The following VWA8 variants were observed in gnomAD, a reference collection of about 807,000 sequenced individuals.
VWA8 encodes von Willebrand factor A domain-containing protein 8.
In VWA8, 221 loss-of-function variants were observed where a neutral mutation model predicts 241.5. The observed-to-expected ratio is 0.91, with a 90% CI of 0.82 to 1.02. The LOEUF (loss-of-function observed/expected upper bound fraction) is 1.02, where lower values mean the gene tolerates loss of function less well. Ranked by LOEUF, VWA8 falls within the 50% of genes least tolerant of loss-of-function variation. The pLI, the probability that VWA8 is intolerant of heterozygous loss-of-function variation, is 0.00. For missense variants in VWA8, 2,322 were observed against 2,328.7 expected (o/e 1.00, Z 0.06); for synonymous variants, 852 against 827.1 (o/e 1.03, Z -0.52).
chr13:41,759,473 G>A (rs2045724243), intron 21 of VWA8, among the ~76,000 whole-genome samples: 1 of 151,252 alleles, frequency 6.6e-6, no homozygotes, highest in Admixed American at 6.6e-5. Context: ...TATCAAATTT[G>A]AGAATTTTCC....
intron 37 of VWA8, among the ~76,000 whole-genome samples, chr13:41,651,664 C>T (rs1372377950): frequency 1.3e-5 from 2 of 152,092 alleles, no homozygotes; most frequent in South Asian, 2.1e-4. Flanking sequence ...TTTCATATGC[C>T]ATGAAATATA....
chr13:41,935,710 T>C (rs1022726777), intron 2 of VWA8, among the ~76,000 whole-genome samples: 11 of 151,842 alleles, frequency 7.2e-5, no homozygotes, highest in African/African-American at 9.7e-5. Context: ...CACTTCTCTC[T>C]AAACACAGAC....
intron 21 of VWA8, among the ~76,000 whole-genome samples, chr13:41,748,357 T>G (rs892273284): frequency 1.7e-4 from 26 of 152,216 alleles, no homozygotes; most frequent in African/African-American, 6.3e-4. Flanking sequence ...ATTTATCCAT[T>G]TCTTCTAGAT....
intron 19 of VWA8, 94 bp from the exon 20 acceptor site, chr13:41,778,150 C>T: frequency 1.4e-6 from 1 of 704,414 alleles, no homozygotes; most frequent in Non-Finnish European, 2.1e-6. Flanking sequence ...ATATAAATAT[C>T]TATTATAATA....
chr13:41,910,951 T>TA (rs941444816), intron 3 of VWA8, among the ~76,000 whole-genome samples: 1 of 152,148 alleles, frequency 6.6e-6, no homozygotes, highest in African/African-American at 2.4e-5. Context: ...CTCTTCATCC[T>TA]AAAAAATGTC....
intron 37 of VWA8, among the ~76,000 whole-genome samples, chr13:41,634,221 C>A (rs1314186240): frequency 6.6e-6 from 1 of 152,096 alleles, no homozygotes; most frequent in Non-Finnish European, 1.5e-5. Flanking sequence ...AGGGTGGCAC[C>A]AGACTTTCCT....
chr13:41,716,882 C>T (rs2045350968), intron 26 of VWA8, among the ~76,000 whole-genome samples: 1 of 151,572 alleles, frequency 6.6e-6, no homozygotes, highest in African/African-American at 2.4e-5. Flanking sequence ...ACTGGTTTAG[C>T]AAAAGGTCTA....
At chr13:41,822,354 C>A (rs1474564166) in intron 14 of VWA8, among the ~76,000 whole-genome samples, 1 of 152,136 alleles carries the variant, frequency 6.6e-6, no homozygotes, top group Non-Finnish European at 1.5e-5. Context: ...TTCCATACTA[C>A]AATACTAATG....
chr13:41,795,873 C>T (rs529300182), intron 17 of VWA8, among the ~76,000 whole-genome samples: 2 of 152,174 alleles, frequency 1.3e-5, no homozygotes, highest in South Asian at 2.1e-4. Context: ...ATGGGTTGAT[C>T]TGTGCAGCAA....
At chr13:41,692,376 ATT>A (rs952436959) in intron 30 of VWA8, among the ~76,000 whole-genome samples, 55 of 152,066 alleles carry the variant, frequency 3.6e-4, no homozygotes, top group African/African-American at 1.2e-3. Flanking sequence ...TAAATCCATT[ATT>A]TTTTTCTGAA....
At position 41,960,883 on chromosome 13, in the gene VWA8, G is replaced by A. The variant is rs914954638; in HGVS notation, c.133C>T (p.Leu45=). ...TCGGCCCCCGAGCCGGCGTGCAACA[G>A]TCTGACCTCCGGCCGCTGCCTGTCG... ...GGDRQRPEVR[L]LHAGSGADTG... Residue 45 remains leucine (L), a synonymous_variant, in exon 1 of 45, where the codon CTG becomes TTG. Transcript: ENST00000379310. The A allele has an allele frequency of 5.9e-6, 9 of 1,516,790 alleles. No homozygotes were observed. In the Admixed American group the frequency reaches 1.0e-4, roughly 17 times the overall value. The allele number at this position is 1,516,790 out of a possible 1,614,324, so 94.0% of individuals were successfully genotyped here.
Position 41,630,935 on chromosome 13 carries a change from T to TCTGAGTGC in VWA8, c.4612-15859_4612-15852dup, listed in dbSNP as rs373219596. Among the ~76,000 whole-genome samples the TCTGAGTGC allele has an allele frequency of 9.6e-4, 146 of 152,282 alleles. 4 individuals are homozygous for TCTGAGTGC. Among genetic ancestry groups the TCTGAGTGC allele is most frequent in the African/African-American group, 3.2e-3 (134 of 41,554 alleles). On this transcript the variant is annotated intron_variant, in intron 37 of 44. Transcript: ENST00000379310. ...CAATCTTTTCCACAGTAAAGTGTCA[T>TCTGAGTGC]CTGAGTGCCTGATGGGACTCTTTCC...
chr13:41,949,571 C>T (rs938592432), intron 2 of VWA8, among the ~76,000 whole-genome samples: 28 of 151,802 alleles, frequency 1.8e-4, no homozygotes, highest in African/African-American at 5.8e-4. Flanking sequence ...ACGTGTATAC[C>T]TATGTAACAA....
intron 1 of VWA8, 41 bp downstream of exon 1, chr13:41,960,812 C>T (rs748864860): frequency 3.2e-4 from 476 of 1,497,140 alleles, no homozygotes; most frequent in Admixed American, 5.4e-4. Flanking sequence ...CGGCACGGAG[C>T]GCAGGGGCAC....
chr13:41,582,148 T>C (rs1043414987), intron 42 of VWA8, among the ~76,000 whole-genome samples: 3 of 152,170 alleles, frequency 2.0e-5, no homozygotes, highest in African/African-American at 7.2e-5. Context: ...GGAGCAATTA[T>C]GAGAAACTTT....
chr13:41,809,034 T>A (rs763413990), intron 17 of VWA8, among the ~76,000 whole-genome samples: 31 of 151,810 alleles, frequency 2.0e-4, no homozygotes, highest in Non-Finnish European at 4.0e-4. Flanking sequence ...ATAATATATA[T>A]AAGAATAAAC....
At chr13:41,955,740 T>C (rs921296353) in intron 1 of VWA8, 1 of 152,190 alleles carries the variant, frequency 6.6e-6, no homozygotes, top group African/African-American at 2.4e-5. Flanking sequence ...TGTAATGAAT[T>C]GCAACATAAC....
At chr13:41,702,885 A>T (rs1349693701) in intron 27 of VWA8, among the ~76,000 whole-genome samples, 2 of 152,174 alleles carry the variant, frequency 1.3e-5, no homozygotes, top group Non-Finnish European at 2.9e-5. Context: ...ACTTTCTCAC[A>T]GTAAATTCCT....
At chr13:41,590,603 T>C in intron 41 of VWA8, 37 bp downstream of exon 41, 1 of 1,607,666 alleles carries the variant, frequency 6.2e-7, no homozygotes. Flanking sequence ...AGGGCTAGAC[T>C]ATGCAGAGCT....
Sources: gnomAD v4.1 joint callset for allele counts (sites outside exome capture counted in the v4.1 genomes callset) on GRCh38, gnomAD v4.1.1 for gene constraint, MANE v1.5 for transcripts, NCBI Gene and HGNC (gene_info 2026-07-23, HGNC 2026-07-21) for gene names.